Variants in USP32 observed in about 807,000 individuals in gnomAD.
The protein encoded by USP32 is ubiquitin carboxyl-terminal hydrolase 32.
In USP32, 59 loss-of-function variants were observed where a neutral mutation model predicts 204.8. The observed-to-expected ratio is 0.29, with a 90% CI of 0.23 to 0.36. USP32 has a LOEUF of 0.36. Ranked by LOEUF, USP32 falls within the 10% of genes least tolerant of loss-of-function variation. The pLI is 1.00. For missense variants in USP32, 1,160 were observed against 1,946.4 expected (o/e 0.60, Z 7.60); for synonymous variants, 517 against 678.4 (o/e 0.76, Z 3.70).
intron 1 of USP32, among the ~76,000 whole-genome samples, chr17:60,376,478 C>T (rs1213569873): frequency 6.6e-6 from 1 of 151,534 alleles, no homozygotes; most frequent in Non-Finnish European, 1.5e-5. Flanking sequence ...CAAACAAAGC[C>T]ACGCAGTGAA....
upstream of USP32, chr17:60,392,572 T>G: frequency 2.3e-6 from 1 of 435,674 alleles, no homozygotes; most frequent in Non-Finnish European, 4.6e-6. Context: ...GGACCTAACA[T>G]GGAAGACCGC....
intron 2 of USP32, among the ~76,000 whole-genome samples, chr17:60,316,638 C>T (rs1311805781): frequency 3.3e-5 from 5 of 151,854 alleles, no homozygotes; most frequent in African/African-American, 9.7e-5. Flanking sequence ...GTCAGGAGTT[C>T]GAAACCAGAC....
intron 1 of USP32, among the ~76,000 whole-genome samples, chr17:60,388,684 A>G (rs1426993820): frequency 6.6e-6 from 1 of 152,212 alleles, no homozygotes; most frequent in Non-Finnish European, 1.5e-5. Flanking sequence ...TTTAAGAAAG[A>G]TAGATTCAAG....
chr17:60,346,060 A>G lies in USP32; in HGVS notation c.59-452T>C, dbSNP rs186235566. Among the ~76,000 whole-genome samples, 202 of 152,238 alleles carry G rather than the reference A, an allele frequency of 1.3e-3. 1 individual carries two copies. Among genetic ancestry groups the G allele is most frequent in the African/African-American group, 4.5e-3 (186 of 41,552 alleles). ...TTCTTTTTTGGTTAAATAAAACTCT[A>G]TGACATTTAGTCATAATTCTAATAT... On this transcript the variant is annotated intron_variant, in intron 1 of 33. Transcript: ENST00000300896.
chr17:60,215,203 C>A (rs1167317716), intron 16 of USP32, among the ~76,000 whole-genome samples: 1 of 152,170 alleles, frequency 6.6e-6, no homozygotes, highest in African/African-American at 2.4e-5. Context: ...AACTCCTGGG[C>A]TCAAGCGATC....
At chr17:60,219,623 G>A in intron 16 of USP32, 47 bp downstream of exon 16, 1 of 576,890 alleles carries the variant, frequency 1.7e-6, no homozygotes, top group South Asian at 1.6e-5. Flanking sequence ...GCATTCTTAA[G>A]TTACCTCTCG....
intron 1 of USP32, among the ~76,000 whole-genome samples, chr17:60,349,624 T>TATATACATATATATACACATA (rs1491225872): frequency 1.7e-5 from 1 of 60,298 alleles, no homozygotes; most frequent in African/African-American, 1.2e-4. Context: ...TATATATATA[T>TATATACATATATATACACATA]TATATATATA....
chr17:60,354,935 T>G (rs2089033789), intron 1 of USP32, among the ~76,000 whole-genome samples: 1 of 152,044 alleles, frequency 6.6e-6, no homozygotes, highest in African/African-American at 2.4e-5. Flanking sequence ...TCCCAGCTAC[T>G]CAGGAGACTG....
At chr17:60,392,600 G>A (rs569994985), upstream of USP32, 5 of 449,076 alleles carry the variant, frequency 1.1e-5, no homozygotes, top group South Asian at 6.3e-5. Flanking sequence ...TAGGGAATGG[G>A]GTTCTGAGGG....
chr17:60,304,296 T>C (rs1054702665), intron 2 of USP32, among the ~76,000 whole-genome samples: 6 of 151,700 alleles, frequency 4.0e-5, no homozygotes, highest in Non-Finnish European at 8.8e-5. Context: ...AACTCAACCA[T>C]AAGTTCTGTA....
intron 1 of USP32, among the ~76,000 whole-genome samples, chr17:60,414,976 T>C (rs959563092): frequency 1.2e-4 from 18 of 152,018 alleles, no homozygotes; most frequent in African/African-American, 4.1e-4. Context: ...CTCAGCCTCC[T>C]GAGTAGCTGG....
chr17:60,339,343 G>A (rs2088600935), intron 2 of USP32, among the ~76,000 whole-genome samples: 1 of 151,992 alleles, frequency 6.6e-6, no homozygotes, highest in Non-Finnish European at 1.5e-5. Context: ...AGCACTTTAG[G>A]AGGCTGAGAC....
chr17:60,316,803 T>C (rs1051801536), intron 2 of USP32, among the ~76,000 whole-genome samples: 6 of 152,040 alleles, frequency 3.9e-5, no homozygotes, highest in African/African-American at 1.5e-4. Context: ...ATCACACTAT[T>C]GCACTCCAGC....
chr17:60,373,438 C>G (rs554153429), intron 1 of USP32, among the ~76,000 whole-genome samples: 3 of 145,262 alleles, frequency 2.1e-5, no homozygotes, highest in Non-Finnish European at 3.0e-5. Context: ...TTTTAGCTTA[C>G]TGTAATTTTT....
chr17:60,220,612 A>G (rs1365879663), intron 15 of USP32, among the ~76,000 whole-genome samples: 1 of 151,988 alleles, frequency 6.6e-6, no homozygotes, highest in Non-Finnish European at 1.5e-5. Context: ...TCAATTTCAT[A>G]TTCTAAAAGG....
intron 1 of USP32, among the ~76,000 whole-genome samples, chr17:60,376,581 T>G (rs2089545911): frequency 6.6e-6 from 1 of 152,010 alleles, no homozygotes; most frequent in Non-Finnish European, 1.5e-5. Flanking sequence ...TAGAGTGCAG[T>G]GAGGCAATCT....
intron 1 of USP32, among the ~76,000 whole-genome samples, chr17:60,402,023 A>G (rs1328774412): frequency 2.0e-5 from 3 of 152,176 alleles, no homozygotes; most frequent in Non-Finnish European, 4.4e-5. Flanking sequence ...GTGCTAACTT[A>G]TCCCAGATCT....
intron 11 of USP32, among the ~76,000 whole-genome samples, chr17:60,238,461 A>C (rs2085791170): frequency 6.6e-6 from 1 of 152,080 alleles, no homozygotes; most frequent in Non-Finnish European, 1.5e-5. Context: ...TGAGCCCAGG[A>C]GTTCAAGACC....
intron 1 of USP32, among the ~76,000 whole-genome samples, chr17:60,412,775 A>T (rs1211913494): frequency 6.6e-6 from 1 of 152,132 alleles, no homozygotes; most frequent in Non-Finnish European, 1.5e-5. Flanking sequence ...CCTCTCCAAA[A>T]TCATTCCCAG....
Sources: gnomAD v4.1 joint callset for allele counts (sites outside exome capture counted in the v4.1 genomes callset) on GRCh38, gnomAD v4.1.1 for gene constraint, MANE v1.5 for transcripts, NCBI Gene and HGNC (gene_info 2026-07-23, HGNC 2026-07-21) for gene names.